The following TAFA1 variants were observed in gnomAD, a reference collection of about 807,000 sequenced individuals.
The protein encoded by TAFA1 is TAFA chemokine like family member 1.
A neutral mutation model predicts 18.5 loss-of-function variants in TAFA1; 4 were observed. The observed-to-expected ratio is 0.22, with a 90% confidence interval of 0.11 to 0.49. TAFA1 has a LOEUF of 0.49. Ranked by LOEUF, TAFA1 falls within the 20% of genes least tolerant of loss-of-function variation. The pLI, the probability that TAFA1 is intolerant of heterozygous loss-of-function variation, is 0.98. For missense variants in TAFA1, 147 were observed against 169.0 expected, an observed-to-expected ratio of 0.87 and a Z score of 0.72; for synonymous variants, 56 against 55.2, an observed-to-expected ratio of 1.01 and a Z score of -0.06.
At chr3:68,270,469 C>G (rs905077761) in intron 2 of TAFA1, among the ~76,000 whole-genome samples, 1 of 152,164 alleles carries the variant, frequency 6.6e-6, no homozygotes, top group Non-Finnish European at 1.5e-5. Flanking sequence ...CCAGACCATT[C>G]TTATGTAAAA....
chr3:68,303,306 T>C (rs1217513916), intron 2 of TAFA1, among the ~76,000 whole-genome samples: 1 of 152,198 alleles, frequency 6.6e-6, no homozygotes, highest in Non-Finnish European at 1.5e-5. Context: ...AATGATGGGA[T>C]AGTGATAAAG....
intron 2 of TAFA1, among the ~76,000 whole-genome samples, chr3:68,336,989 C>T (rs1431543318): frequency 6.6e-6 from 1 of 152,120 alleles, no homozygotes; most frequent in East Asian, 1.9e-4. Flanking sequence ...TCCCAAAGTG[C>T]TGGGATTACA....
intron 2 of TAFA1, among the ~76,000 whole-genome samples, chr3:68,229,196 T>G (rs1232546990): frequency 6.6e-6 from 1 of 152,180 alleles, no homozygotes; most frequent in East Asian, 1.9e-4. Context: ...TCATAGTGAG[T>G]ATTTCCTCAC....
At chr3:68,151,797 T>C (rs62245935) in intron 2 of TAFA1, among the ~76,000 whole-genome samples, 15,188 of 152,168 alleles carry the variant, frequency 0.1, 975 homozygotes, top group Non-Finnish European at 0.13. Flanking sequence ...GGGGAACACA[T>C]TCAAACTATG....
intron 2 of TAFA1, among the ~76,000 whole-genome samples, chr3:68,311,413 T>C (rs1464891352): frequency 1.3e-5 from 2 of 152,112 alleles, no homozygotes; most frequent in East Asian, 1.9e-4. Flanking sequence ...ACAAGCCAAC[T>C]CCCTTCCACC....
At chr3:68,054,525 G>A (rs557363244) in intron 2 of TAFA1, among the ~76,000 whole-genome samples, 2 of 152,262 alleles carry the variant, frequency 1.3e-5, no homozygotes, top group East Asian at 3.9e-4. Context: ...TTCCTTTATA[G>A]CAATACAAAA....
At chr3:68,495,070 C>T (rs2106690977) in intron 3 of TAFA1, among the ~76,000 whole-genome samples, 1 of 152,252 alleles carries the variant, frequency 6.6e-6, no homozygotes, top group African/African-American at 2.4e-5. Context: ...ACCAATACAA[C>T]AGGTTAACTG....
At chr3:68,089,228 G>A (rs771427712) in intron 2 of TAFA1, among the ~76,000 whole-genome samples, 32 of 152,270 alleles carry the variant, frequency 2.1e-4, no homozygotes, top group African/African-American at 7.2e-4. Context: ...CTAAGTGATC[G>A]TAAGGCAATT....
intron 2 of TAFA1, among the ~76,000 whole-genome samples, chr3:68,226,298 A>G (rs1213235193): frequency 1.3e-5 from 2 of 152,228 alleles, no homozygotes; most frequent in African/African-American, 4.8e-5. Context: ...TTTCATGCCT[A>G]TTAACAAAGG....
At chr3:68,296,826 G>A (rs753253513) in intron 2 of TAFA1, among the ~76,000 whole-genome samples, 14 of 152,142 alleles carry the variant, frequency 9.2e-5, no homozygotes, top group Admixed American at 2.0e-4. Context: ...GTTATCACTG[G>A]GGAGACCTGT....
intron 2 of TAFA1, among the ~76,000 whole-genome samples, chr3:68,290,797 G>C (rs898542700): frequency 1.3e-5 from 2 of 151,698 alleles, no homozygotes; most frequent in African/African-American, 2.4e-5. Context: ...TATAACCTTT[G>C]ATCTGAATGT....
intron 2 of TAFA1, among the ~76,000 whole-genome samples, chr3:68,375,873 A>C (rs1200821039): frequency 6.6e-6 from 1 of 152,194 alleles, no homozygotes; most frequent in Non-Finnish European, 1.5e-5. Context: ...AAAACCTCTG[A>C]TTTTAGCTCT....
intron 2 of TAFA1, among the ~76,000 whole-genome samples, chr3:68,374,063 A>G (rs901666762): frequency 2.6e-5 from 4 of 152,136 alleles, no homozygotes; most frequent in African/African-American, 4.8e-5. Context: ...TCAGAAATAG[A>G]CCAAAGATGG....
intron 2 of TAFA1, among the ~76,000 whole-genome samples, chr3:68,214,540 A>T (rs369601556): frequency 2.0e-5 from 3 of 152,170 alleles, no homozygotes; most frequent in African/African-American, 7.2e-5. Context: ...CCTGGTTCAC[A>T]GAGACCAGAG....
chr3:68,402,180 A>G (rs2070507523), intron 2 of TAFA1, among the ~76,000 whole-genome samples: 1 of 152,074 alleles, frequency 6.6e-6, no homozygotes, highest in African/African-American at 2.4e-5. Flanking sequence ...CGGTATAACT[A>G]ATTCCCTTCC....
chr3:68,291,716 TA>T (rs1341697488), intron 2 of TAFA1, among the ~76,000 whole-genome samples: 2 of 152,276 alleles, frequency 1.3e-5, no homozygotes, highest in African/African-American at 2.4e-5. Flanking sequence ...TGGATCATGT[TA>T]AAAAAATTTT....
In TAFA1 at chr3:68,523,676, C is replaced by T. The variant is rs151096994; in HGVS notation, c.260-15080C>T. On this transcript the variant is annotated intron_variant, in intron 3 of 4. Transcript: ENST00000478136. ...TTAATAACTATTCAGTATAATAGAT[C>T]ATTTTCATATTCCTAGTGTTTTGCT... Among the ~76,000 whole-genome samples the T allele has an allele frequency of 2.6e-5, 4 of 152,256 alleles. No individual in the cohort carries two copies. In the East Asian group the frequency reaches 5.8e-4, roughly 22 times the overall value.
intron 2 of TAFA1, among the ~76,000 whole-genome samples, chr3:68,026,862 TAGGAA>T (rs1266504106): frequency 6.6e-6 from 1 of 152,164 alleles, no homozygotes; most frequent in Non-Finnish European, 1.5e-5. Context: ...ATAATTTATA[TAGGAA>T]AGAGTTTTAA....
At chr3:67,999,552 CT>C (rs975893202), upstream of TAFA1, among the ~76,000 whole-genome samples, 46 of 151,906 alleles carry the variant, frequency 3.0e-4, no homozygotes, top group Admixed American at 5.9e-4. Flanking sequence ...CATCTGTAGA[CT>C]TTTTTTATTC....
Sources: allele counts gnomAD v4.1 joint callset (sites outside exome capture counted in the v4.1 genomes callset), GRCh38; gene constraint gnomAD v4.1.1; transcripts MANE v1.5; gene names NCBI Gene and HGNC (gene_info 2026-07-23, HGNC 2026-07-21).